Variants in ADGRB1 observed in about 807,000 individuals in gnomAD.
The protein encoded by ADGRB1 is brain-specific angiogenesis inhibitor 1.
Under a neutral mutation model 175.7 loss-of-function variants are expected in ADGRB1, and 36 were observed. The ratio of observed to expected loss-of-function variants is 0.20; its 90% CI spans 0.16 to 0.27. ADGRB1 has a LOEUF of 0.27. Ranked by LOEUF, ADGRB1 falls within the 10% of genes least tolerant of loss-of-function variation. The pLI is 1.00. For synonymous variants in ADGRB1, 1,054 were observed against 979.4 expected (o/e 1.08, Z -1.42); for missense variants, 1,731 against 2,255.3 (o/e 0.77, Z 4.71).
intron 1 of ADGRB1, among the ~76,000 whole-genome samples, chr8:142,458,570 T>C (rs1005464867): frequency 6.6e-6 from 1 of 152,276 alleles, no homozygotes; most frequent in Non-Finnish European, 1.5e-5. Context: ...CGGCCCAGCG[T>C]GGCTAGCTCC....
intron 1 of ADGRB1, among the ~76,000 whole-genome samples, chr8:142,454,181 G>T (rs1839523472): frequency 6.6e-6 from 1 of 152,160 alleles, no homozygotes. Context: ...ACAGCCTGTT[G>T]AGTGCCGCTG....
chr8:142,496,183 G>A (rs766380383), intron 17 of ADGRB1, among the ~76,000 whole-genome samples: 3 of 151,856 alleles, frequency 2.0e-5, no homozygotes, highest in Admixed American at 6.6e-5. Flanking sequence ...ATGACTGAAT[G>A]TGTGGATGGA....
chr8:142,516,192 G>GGGGCCCCAGGTGCATGCGTGTGTGC (rs1433104285), intron 18 of ADGRB1, among the ~76,000 whole-genome samples: 3 of 130,680 alleles, frequency 2.3e-5, no homozygotes, highest in African/African-American at 8.6e-5. Flanking sequence ...TGCGTGTGTG[G>GGGGCCCCAGGTGCATGCGTGTGTGC]GGGCCCCAGG....
chr8:142,518,294 G>T (rs960393268), intron 19 of ADGRB1, 53 bp downstream of exon 19: 2 of 1,569,898 alleles, frequency 1.3e-6, no homozygotes, highest in East Asian at 2.2e-5. Flanking sequence ...TGCATCACAC[G>T]CCTCTTCCCT....
rs778347990 is a variant in ADGRB1 at position 142,537,191 on chromosome 8, G to C, written c.3666+109G>C. 1.3e-5 allele frequency: 11 copies of C among 820,778 alleles called. No homozygotes were observed. Among genetic ancestry groups the C allele is most frequent in the Non-Finnish European group, 1.9e-5 (11 of 567,514 alleles). The allele number at this position is 820,778 out of a possible 1,614,324, so 50.8% of individuals were successfully genotyped here. A position where few individuals can be genotyped will look rare whatever the true frequency, so the allele number is the denominator to read the frequency against. On this transcript the variant is annotated intron_variant, in intron 26 of 30. Transcript: ENST00000517894. This position sits in a 1 kb window ranked among gnomAD's most constrained non-coding sequence, Gnocchi z 4.6. The stretch of plus-strand genomic sequence containing the variant: ...AGCTCCCCTAGGCCCCAGCAACCCT[G>C]CTGAGAGGAGCTCTGAACCCAGTGT...
intron 24 of ADGRB1, 106 bp downstream of exon 24, chr8:142,526,733 G>A: frequency 2.6e-6 from 3 of 1,156,492 alleles, no homozygotes; most frequent in Non-Finnish European, 2.5e-6. Flanking sequence ...GAGACTGCAG[G>A]TCCAGGGACC....
At chr8:142,536,050 A>C (rs965624980) in intron 25 of ADGRB1, among the ~76,000 whole-genome samples, 1 of 152,084 alleles carries the variant, frequency 6.6e-6, no homozygotes, top group Non-Finnish European at 1.5e-5. Flanking sequence ...AGCAGCATGA[A>C]GCAGAGCACT....
chr8:142,509,733 T>C (rs1842985802), intron 17 of ADGRB1, among the ~76,000 whole-genome samples: 1 of 152,206 alleles, frequency 6.6e-6, no homozygotes, highest in Non-Finnish European at 1.5e-5. Flanking sequence ...TCCCGGCTAC[T>C]TAGGGAGGAA....
chr8:142,451,928 C>T lies in ADGRB1; in HGVS notation c.-220+1824C>T, dbSNP rs567437825. 4.5e-3 allele frequency among the ~76,000 whole-genome samples: 684 copies of T among 152,258 alleles called. 5 individuals are homozygous for T. The highest frequency in any genetic ancestry group is 0.016 in the African/African-American group (657 of 41,566). ...ACTCTGCGCCCGCACGCCGGGGTGCCGCCGAGTCCGGCTTTGAGTACCCAG... is the reference window on the plus strand; with the variant it reads ...ACTCTGCGCCCGCACGCCGGGGTGCTGCCGAGTCCGGCTTTGAGTACCCAG... On this transcript the variant is annotated intron_variant, in intron 1 of 30. Coordinates refer to ENST00000517894, the MANE Select transcript of ADGRB1 (RefSeq NM_001702.3).
intron 26 of ADGRB1, among the ~76,000 whole-genome samples, chr8:142,538,867 G>A (rs1319163561): frequency 2.0e-5 from 3 of 152,146 alleles, no homozygotes; most frequent in East Asian, 1.9e-4. Context: ...TTCTGGTGCC[G>A]CAGGCCCAGA....
At position 142,481,585 on chromosome 8, in the gene ADGRB1, A is replaced by C; in HGVS notation, c.2004A>C (p.Thr668=). 2 of 1,602,984 alleles carry C rather than the reference A, an allele frequency of 1.2e-6. No homozygotes were observed. Among genetic ancestry groups the C allele is most frequent in the Non-Finnish European group, 1.7e-6 (2 of 1,174,922 alleles). ...PGEGVSEVIQ[T]LVEISQDGTS... Reference sequence around the variant, plus strand: ...AGGGGGTCTCGGAGGTCATCCAGACACTGGTGGAGATCTCTCAGGACGGGA... The same window carrying C: ...AGGGGGTCTCGGAGGTCATCCAGACCCTGGTGGAGATCTCTCAGGACGGGA... Residue 668 remains threonine, a synonymous_variant, in exon 11 of 31, where the codon ACA becomes ACC. Transcript: ENST00000517894.
At chr8:142,496,673 G>T (rs1842231162) in intron 17 of ADGRB1, among the ~76,000 whole-genome samples, 1 of 152,192 alleles carries the variant, frequency 6.6e-6, no homozygotes, top group Non-Finnish European at 1.5e-5. Flanking sequence ...GATCCTGAAA[G>T]ATCATGCACT....
intron 11 of ADGRB1, among the ~76,000 whole-genome samples, chr8:142,482,947 C>T (rs926460954): frequency 4.6e-5 from 7 of 150,948 alleles, no homozygotes; most frequent in Non-Finnish European, 8.9e-5. Context: ...CCTGATCATA[C>T]ACTGAGCCCT....
intron 2 of ADGRB1, among the ~76,000 whole-genome samples, 170 bp downstream of exon 2, chr8:142,465,152 C>T (rs1229825655): frequency 2.0e-5 from 3 of 152,080 alleles, no homozygotes; most frequent in East Asian, 1.9e-4. Context: ...GCAGGGCTGC[C>T]CTGCTAGCAC....
chr8:142,471,343 T>C (rs936510972), intron 2 of ADGRB1, among the ~76,000 whole-genome samples: 2 of 152,182 alleles, frequency 1.3e-5, no homozygotes, highest in African/African-American at 2.4e-5. Flanking sequence ...GGGCACTGTA[T>C]TTTGGTTCCA....
intron 25 of ADGRB1, among the ~76,000 whole-genome samples, chr8:142,534,717 A>C (rs1587435456): frequency 6.6e-6 from 1 of 152,150 alleles, no homozygotes; most frequent in East Asian, 1.9e-4. Flanking sequence ...CCAACCAGAC[A>C]AGCAGGAAAA....
chr8:142,543,559 C>G lies in ADGRB1; in HGVS notation c.4450-42C>G. Reference sequence around the variant, plus strand: ...CGGGGCAGGCAGGATGGGCCATGCCCTCCTCCTGGCCCAGGACTCACTGCC... The same window carrying G: ...CGGGGCAGGCAGGATGGGCCATGCCGTCCTCCTGGCCCAGGACTCACTGCC... On this transcript the variant is annotated intron_variant, in intron 29 of 30. Coordinates refer to ENST00000517894, the MANE Select transcript of ADGRB1 (RefSeq NM_001702.3). This position sits in a 1 kb window ranked among gnomAD's most constrained non-coding sequence, Gnocchi z 4.4. The G allele has an allele frequency of 6.4e-7, 1 of 1,574,632 alleles. No homozygotes were observed. Among genetic ancestry groups the G allele is most frequent in the Non-Finnish European group, 8.6e-7 (1 of 1,159,054 alleles).
In ADGRB1 at chr8:142,542,111, C is replaced by G; in HGVS notation, c.3877C>G (p.Arg1293Gly). 2 of 1,613,506 alleles carry G rather than the reference C, an allele frequency of 1.2e-6. No homozygotes were observed. Among genetic ancestry groups the G allele is most frequent in the Non-Finnish European group, 8.5e-7 (1 of 1,179,830 alleles). Reference sequence around the variant, plus strand: ...CAAGCTGCACCTGCACGGCTCACCCCGCTATCCCGGCGGGCCCCTGCCCGA... The same window carrying G: ...CAAGCTGCACCTGCACGGCTCACCCGGCTATCCCGGCGGGCCCCTGCCCGA... ...VSKLHLHGSP[R>G]YPGGPLPDFP... The change falls in exon 28 of 31, where the codon CGC (arginine) becomes GGC (glycine). Residue 1293 changes from arginine (R) to glycine (G), a missense_variant. Transcript: ENST00000517894. The surrounding 1 kb of genome is among the most constrained non-coding windows in gnomAD (Gnocchi z 6.3).
intron 23 of ADGRB1, among the ~76,000 whole-genome samples, chr8:142,526,155 G>A (rs1563741348): frequency 6.6e-6 from 1 of 152,140 alleles, no homozygotes; most frequent in Admixed American, 6.5e-5. Context: ...GAGAGGAGGT[G>A]GCCTGCCCAG....
Sources: gnomAD v4.1 joint callset for allele counts (sites outside exome capture counted in the v4.1 genomes callset) on GRCh38, gnomAD v4.1.1 for gene constraint, Gnocchi (gnomAD v3.1) non-coding constraint, MANE v1.5 for transcripts, NCBI Gene and HGNC (gene_info 2026-07-23, HGNC 2026-07-21) for gene names.